Variants in KIRREL3 observed in about 807,000 individuals in gnomAD.
KIRREL3 encodes the protein kirre like nephrin family adhesion molecule 3.
Under a neutral mutation model 89.7 loss-of-function variants are expected in KIRREL3, and 36 were observed. The ratio of observed to expected loss-of-function variants is 0.40; its 90% CI spans 0.31 to 0.53. The LOEUF (loss-of-function observed/expected upper bound fraction) is 0.53, where lower values mean the gene tolerates loss of function less well. Ranked by LOEUF, KIRREL3 falls within the 20% of genes least tolerant of loss-of-function variation. KIRREL3 has a pLI of 0.49. For synonymous variants in KIRREL3, 445 were observed against 441.4 expected (o/e 1.01, Z -0.10); for missense variants, 864 against 1,056.6 (o/e 0.82, Z 2.53).
intron 1 of KIRREL3, among the ~76,000 whole-genome samples, chr11:126,618,917 C>T (rs143733298): frequency 1.3e-3 from 196 of 152,248 alleles, no homozygotes; most frequent in African/African-American, 4.5e-3. Flanking sequence ...ATTGGTTCAC[C>T]CAAGGAATAT....
chr11:126,903,570 G>A lies in KIRREL3; in HGVS notation c.55+96885C>T, dbSNP rs1946456680. ...TATCACATTTCTGGCCTTGACTGCT[G>A]AGTTTATTACTACCCATAACCCTGG... On this transcript the variant is annotated intron_variant, in intron 1 of 16. Transcript: ENST00000525144. This position sits in a 1 kb window ranked among gnomAD's most constrained non-coding sequence, Gnocchi z 4.5. 1.3e-5 allele frequency among the ~76,000 whole-genome samples: 2 copies of A among 152,214 alleles called. No individual in the cohort carries two copies. Among genetic ancestry groups the A allele is most frequent in the East Asian group, 3.9e-4 (2 of 5,172 alleles).
chr11:126,449,246 G>T, intron 7 of KIRREL3, 89 bp from the exon 8 acceptor site: 1 of 1,469,920 alleles, frequency 6.8e-7, no homozygotes, highest in Non-Finnish European at 9.3e-7. Flanking sequence ...GGAAAAATGA[G>T]GCCTGGGTTG....
In KIRREL3 at chr11:126,867,309, T is replaced by C. The variant is rs532914029; in HGVS notation, c.55+133146A>G. 6.6e-6 allele frequency among the ~76,000 whole-genome samples: 1 copy of C among 152,340 alleles called. No individual in the cohort carries two copies. Among genetic ancestry groups the C allele is most frequent in the East Asian group, 1.9e-4 (1 of 5,182 alleles). The stretch of plus-strand genomic sequence containing the variant: ...TTCAGGACCTGTGCTGGGACTCTCC[T>C]CTCATTACCTGCACTCCAATGGGTC... On this transcript the variant is annotated intron_variant, in intron 1 of 16. Coordinates refer to ENST00000525144, the MANE Select transcript of KIRREL3 (RefSeq NM_032531.4). The surrounding 1 kb of genome is among the most constrained non-coding windows in gnomAD (Gnocchi z 4.7).
rs187850649 is a variant in KIRREL3 at position 126,890,745 on chromosome 11, C to T, written c.55+109710G>A. On this transcript the variant is annotated intron_variant, in intron 1 of 16. Coordinates refer to ENST00000525144, the MANE Select transcript of KIRREL3 (RefSeq NM_032531.4). This position sits in a 1 kb window ranked among gnomAD's most constrained non-coding sequence, Gnocchi z 5.1. ...CCACTAGGGTGAGTGAGAGAGTAGA[C>T]GACTGCAAACATGAGCGTCCCCCAG... 3.5e-4 allele frequency among the ~76,000 whole-genome samples: 54 copies of T among 152,352 alleles called. No individual in the cohort carries two copies. The highest frequency in any genetic ancestry group is 1.2e-3 in the African/African-American group (49 of 41,580).
At chr11:126,465,560 G>A (rs1314870022) in intron 5 of KIRREL3, among the ~76,000 whole-genome samples, 7 of 152,196 alleles carry the variant, frequency 4.6e-5, no homozygotes, top group African/African-American at 7.2e-5. Context: ...GGCAAACCTC[G>A]TGGCGTCAGG....
rs181341866 is a variant in KIRREL3 at position 126,817,354 on chromosome 11, A to C, written c.55+183101T>G. On this transcript the variant is annotated intron_variant, in intron 1 of 16. Transcript: ENST00000525144. The surrounding 1 kb of genome is among the most constrained non-coding windows in gnomAD (Gnocchi z 5.7). ...CACAGAAAATGGTGGTGATGATGAC[A>C]GCCAGTCAACAGAAGCTGATGGTGA... Among the ~76,000 whole-genome samples the C allele has an allele frequency of 6.6e-6, 1 of 152,306 alleles. No homozygotes were observed. The highest frequency in any genetic ancestry group is 1.9e-4 in the East Asian group (1 of 5,176).
chr11:126,820,343 T>TA (rs929583166), intron 1 of KIRREL3, among the ~76,000 whole-genome samples: 6 of 152,024 alleles, frequency 3.9e-5, no homozygotes, highest in Non-Finnish European at 7.4e-5. Flanking sequence ...GGTCTGAAGA[T>TA]AAAGCAAGCC....
chr11:126,884,254 C>A (rs1393050237), intron 1 of KIRREL3, among the ~76,000 whole-genome samples: 1 of 152,200 alleles, frequency 6.6e-6, no homozygotes, highest in African/African-American at 2.4e-5. Context: ...TTTAAACAAT[C>A]CCTCCAGATG....
At chr11:126,630,130 C>A (rs1260320016) in intron 1 of KIRREL3, among the ~76,000 whole-genome samples, 1 of 152,190 alleles carries the variant, frequency 6.6e-6, no homozygotes, top group African/African-American at 2.4e-5. Flanking sequence ...AACGTCCCTA[C>A]TTCCACATAG....
chr11:126,819,097 G>A (rs1296172670), intron 1 of KIRREL3, among the ~76,000 whole-genome samples: 1 of 123,836 alleles, frequency 8.1e-6, no homozygotes, highest in African/African-American at 3.3e-5. Context: ...TTAGGTATCT[G>A]GACCCCAACC....
Position 126,723,004 on chromosome 11 carries a change from C to T in KIRREL3, c.56-160092G>A, listed in dbSNP as rs117590005. Among the ~76,000 whole-genome samples the T allele has an allele frequency of 8.1e-3, 1,236 of 152,310 alleles. 6 individuals carry two copies. The highest frequency in any genetic ancestry group is 0.014 in the Non-Finnish European group (921 of 68,032). ...TCATGAAACTATCCTTTGTCTCCCACGGTGGAATTGGCCTTTCTTCATCTA... is the reference window on the plus strand; with the variant it reads ...TCATGAAACTATCCTTTGTCTCCCATGGTGGAATTGGCCTTTCTTCATCTA... On this transcript the variant is annotated intron_variant, in intron 1 of 16. Coordinates refer to ENST00000525144, the MANE Select transcript of KIRREL3 (RefSeq NM_032531.4). The surrounding 1 kb of genome is among the most constrained non-coding windows in gnomAD (Gnocchi z 4.0).
At position 126,995,181 on chromosome 11, in the gene KIRREL3, C is replaced by A. The variant is rs746057433; in HGVS notation, c.55+5274G>T. ...ATATGAAATCCAAGGGAACTGTTAG[C>A]CCCCCAGAGCAGCTGCTCCCACCGA... is the stretch of plus-strand genomic sequence containing the variant. On this transcript the variant is annotated intron_variant, in intron 1 of 16. Coordinates refer to ENST00000525144, the MANE Select transcript of KIRREL3 (RefSeq NM_032531.4). This position sits in a 1 kb window ranked among gnomAD's most constrained non-coding sequence, Gnocchi z 6.5. 4.4e-6 allele frequency: 2 copies of A among 455,912 alleles called. No homozygotes were observed. Among genetic ancestry groups the A allele is most frequent in the African/African-American group, 2.0e-5 (1 of 50,082 alleles). 28.2% of individuals were successfully genotyped at this position (455,912 alleles called of 1,614,324 possible).
chr11:126,748,453 G>T lies in KIRREL3; in HGVS notation c.56-185541C>A, dbSNP rs541919954. Among the ~76,000 whole-genome samples, 1 of 152,334 alleles carries T rather than the reference G, an allele frequency of 6.6e-6. No homozygotes were observed. Among genetic ancestry groups the T allele is most frequent in the African/African-American group, 2.4e-5 (1 of 41,574 alleles). On this transcript the variant is annotated intron_variant, in intron 1 of 16. Transcript: ENST00000525144. The surrounding 1 kb of genome is among the most constrained non-coding windows in gnomAD (Gnocchi z 4.6). The stretch of plus-strand genomic sequence containing the variant: ...TATTTCATCAATAATTCTTGAGCTT[G>T]CCTACGGCGAGAATTATTCCCAGCA...
At chr11:126,507,666 T>C (rs1210899812) in intron 4 of KIRREL3, among the ~76,000 whole-genome samples, 1 of 152,250 alleles carries the variant, frequency 6.6e-6, no homozygotes, top group Non-Finnish European at 1.5e-5. Context: ...TGCTGAAAGA[T>C]GAAATGAATG....
At chr11:126,567,552 A>G (rs1368619973) in intron 1 of KIRREL3, among the ~76,000 whole-genome samples, 1 of 152,208 alleles carries the variant, frequency 6.6e-6, no homozygotes, top group African/African-American at 2.4e-5. Context: ...GGCAATTTCC[A>G]CTGGCCATGG....
chr11:126,615,223 A>G lies in KIRREL3; in HGVS notation c.56-52311T>C, dbSNP rs1380268391. ...CTGCTTTTATGACAGTCTTCTCTACAATGAGACGACATCTTTCTCATCTCT... is the reference window on the plus strand; with the variant it reads ...CTGCTTTTATGACAGTCTTCTCTACGATGAGACGACATCTTTCTCATCTCT... On this transcript the variant is annotated intron_variant, in intron 1 of 16. Transcript: ENST00000525144. The surrounding 1 kb of genome is among the most constrained non-coding windows in gnomAD (Gnocchi z 5.4). Among the ~76,000 whole-genome samples, 4 of 152,136 alleles carry G rather than the reference A, an allele frequency of 2.6e-5. No homozygotes were observed. Among genetic ancestry groups the G allele is most frequent in the Non-Finnish European group, 5.9e-5 (4 of 68,022 alleles).
rs1222172674 is a variant in KIRREL3 at position 126,562,735 on chromosome 11, G to A, written c.133+100C>T. 3 of 953,780 alleles carry A rather than the reference G, an allele frequency of 3.1e-6. No homozygotes were observed. The highest frequency in any genetic ancestry group is 4.9e-6 in the Non-Finnish European group (3 of 606,242). The allele number at this position is 953,780 out of a possible 1,614,324, so 59.1% of individuals were successfully genotyped here. A position where few individuals can be genotyped will look rare whatever the true frequency, so the allele number is the denominator to read the frequency against. ...GTCTTCCCACTGTCCCCTTCTGAGA[G>A]GTCCCAGGTTCTTATTCCTGGTTCC... On this transcript the variant is annotated intron_variant, in intron 2 of 16. Coordinates refer to ENST00000525144, the MANE Select transcript of KIRREL3 (RefSeq NM_032531.4). This position sits in a 1 kb window ranked among gnomAD's most constrained non-coding sequence, Gnocchi z 4.7.
chr11:126,820,034 C>T (rs1943151948), intron 1 of KIRREL3, among the ~76,000 whole-genome samples: 1 of 152,210 alleles, frequency 6.6e-6, no homozygotes, highest in Non-Finnish European at 1.5e-5. Flanking sequence ...TTCATTCATT[C>T]TCTCATTCAT....
At chr11:126,679,276 C>G (rs903399643) in intron 1 of KIRREL3, among the ~76,000 whole-genome samples, 3 of 152,206 alleles carry the variant, frequency 2.0e-5, no homozygotes, top group African/African-American at 4.8e-5. Context: ...ACTTCTGGAC[C>G]TTTTGTTAAG....
Sources: allele counts gnomAD v4.1 joint callset (sites outside exome capture counted in the v4.1 genomes callset), GRCh38; gene constraint gnomAD v4.1.1; non-coding constraint Gnocchi (gnomAD v3.1); transcripts MANE v1.5; gene names NCBI Gene and HGNC (gene_info 2026-07-23, HGNC 2026-07-21).